Variants in ZBTB25 observed in about 807,000 individuals in gnomAD.
ZBTB25 encodes zinc finger and BTB domain containing 25.
Under a neutral mutation model 34.2 loss-of-function variants are expected in ZBTB25, and 20 were observed. The observed-to-expected ratio is 0.58, with a 90% CI of 0.41 to 0.85. The LOEUF is 0.85. ZBTB25 is among the 40% of genes least tolerant of loss of function. ZBTB25 has a pLI of 0.00. For missense variants in ZBTB25, 437 were observed against 521.8 expected (o/e 0.84, Z 1.58); for synonymous variants, 175 against 186.4 (o/e 0.94, Z 0.50).
intron 2 of ZBTB25, among the ~76,000 whole-genome samples, chr14:64,464,171 A>AACAGGTGTGAGCT (rs1555340465): frequency 2.6e-5 from 4 of 151,276 alleles, no homozygotes; most frequent in Admixed American, 6.6e-5. Context: ...GCTCCTGAGT[A>AACAGGTGTGAGCT]ACTGGGACCA....
At chr14:64,488,289 A>G (rs1386918887) in intron 2 of ZBTB25, among the ~76,000 whole-genome samples, 4 of 152,174 alleles carry the variant, frequency 2.6e-5, no homozygotes, top group Admixed American at 6.5e-5. Flanking sequence ...AAACACAGAC[A>G]TACATTCTGA....
exon 3 of ZBTB25, chr14:64,449,145 T>C: frequency 2.3e-6 from 1 of 434,310 alleles, no homozygotes; most frequent in East Asian, 5.0e-5. Context: ...TCTGGAGTGC[T>C]GGGAATTTTC....
chr14:64,491,388 A>C (rs11623457), intron 1 of ZBTB25, among the ~76,000 whole-genome samples: 34,966 of 152,062 alleles, frequency 0.23, 4,666 homozygotes, highest in Non-Finnish European at 0.31. Flanking sequence ...ATCACTTAAG[A>C]CTGGGAGGTC....
At position 64,486,281 on chromosome 14, in the gene ZBTB25, G is replaced by C. The variant is rs187530680; in HGVS notation, c.*642C>G. ...CGCGCCACTGCGCCCCAGCCTGGGC[G>C]ACACAGAGAGACTCTGTCTCAAAAA... is the stretch of plus-strand genomic sequence containing the variant. On this transcript the variant is annotated 3_prime_UTR_variant, in exon 3 of 3. Coordinates refer to ENST00000608382, the MANE Select transcript of ZBTB25 (RefSeq NM_006977.5). 4.1e-6 allele frequency: 4 copies of C among 979,064 alleles called. No homozygotes were observed. Among genetic ancestry groups the C allele is most frequent in the Non-Finnish European group, 4.9e-6 (4 of 824,574 alleles). 60.6% of individuals were successfully genotyped at this position (979,064 alleles called of 1,614,324 possible).
At chr14:64,468,356 A>G (rs754732295) in intron 2 of ZBTB25, 4 of 1,526,556 alleles carry the variant, frequency 2.6e-6, no homozygotes, top group Admixed American at 4.5e-5. Context: ...TAAGGAAGAG[A>G]GAATACAGTT....
At chr14:64,502,533 G>C (rs933451094) in intron 1 of ZBTB25, 1 of 616,822 alleles carries the variant, frequency 1.6e-6, no homozygotes, top group Non-Finnish European at 2.0e-6. Context: ...GGGGGTGTAG[G>C]CTTTTAGTTC....
At chr14:64,503,538 C>A (rs2079569552) in intron 1 of ZBTB25, 123 bp downstream of exon 1, 1 of 986,038 alleles carries the variant, frequency 1.0e-6, no homozygotes, top group Non-Finnish European at 1.2e-6. Flanking sequence ...CAAAAACACC[C>A]CTCTCCCCAG....
rs1225530309 is a variant in ZBTB25 at position 64,483,607 on chromosome 14, A to G, written c.*3316T>C. 6.6e-6 allele frequency: 1 copy of G among 152,134 alleles called. No individual in the cohort carries two copies. Among genetic ancestry groups the G allele is most frequent in the African/African-American group, 2.4e-5 (1 of 41,398 alleles). 9.4% of individuals were successfully genotyped at this position (152,134 alleles called of 1,614,324 possible). A position where few individuals can be genotyped will look rare whatever the true frequency, so the allele number is the denominator to read the frequency against. On this transcript the variant is annotated 3_prime_UTR_variant, in exon 3 of 3. Transcript: ENST00000608382. ...GGAAGAACTTTTAAAATACAAAGCAAATTTTCTCAGTGAGCAATCATGTCT... is the reference window on the plus strand; with the variant it reads ...GGAAGAACTTTTAAAATACAAAGCAGATTTTCTCAGTGAGCAATCATGTCT...
chr14:64,454,709 C>T, intron 2 of ZBTB25: 1 of 1,610,708 alleles, frequency 6.2e-7, no homozygotes. Flanking sequence ...CCCTCTCTTC[C>T]CTTCTTTCCC....
At chr14:64,500,884 C>T (rs1240036235) in intron 1 of ZBTB25, among the ~76,000 whole-genome samples, 2 of 152,212 alleles carry the variant, frequency 1.3e-5, no homozygotes, top group Non-Finnish European at 2.9e-5. Flanking sequence ...AACCCTGTCT[C>T]TACTAAAAAT....
rs1404297224 is a variant in ZBTB25 at position 64,486,485 on chromosome 14, T to C, written c.*438A>G. 1 of 964,632 alleles carries C rather than the reference T, an allele frequency of 1.0e-6. No individual in the cohort carries two copies. The highest frequency in any genetic ancestry group is 1.2e-6 in the Non-Finnish European group (1 of 810,576). 59.8% of individuals were successfully genotyped at this position (964,632 alleles called of 1,614,324 possible). On this transcript the variant is annotated 3_prime_UTR_variant, in exon 3 of 3. Coordinates refer to ENST00000608382, the MANE Select transcript of ZBTB25 (RefSeq NM_006977.5). ...CATTAAAGTAACTATTAATTTCCTA[T>C]ATGGAAGAAAATATTTAAAAATAAT...
chr14:64,502,621 T>C, intron 1 of ZBTB25: 2 of 985,170 alleles, frequency 2.0e-6, no homozygotes, highest in Non-Finnish European at 2.4e-6. Flanking sequence ...GACTTCTCCA[T>C]AACCTGAATC....
intron 2 of ZBTB25, among the ~76,000 whole-genome samples, chr14:64,457,803 A>G (rs2078499744): frequency 6.6e-6 from 1 of 152,164 alleles, no homozygotes; most frequent in East Asian, 1.9e-4. Flanking sequence ...TTGATTTTTA[A>G]TATGTAACAA....
chr14:64,450,002 G>T lies in ZBTB25; in HGVS notation c.174-364C>A, dbSNP rs1288476120. Among the ~76,000 whole-genome samples, 3 of 152,162 alleles carry T rather than the reference G, an allele frequency of 2.0e-5. No individual in the cohort carries two copies. In the East Asian group the frequency reaches 5.8e-4, roughly 29 times the overall value. On this transcript the variant is annotated intron_variant, in intron 2 of 2. Coordinates refer to the ZBTB25 transcript ENST00000555220. ...AGATGGGGTTTCACCATCTTGGCCAGGCTGGTCTCGAACTCCTGACCTCGT... is the reference window on the plus strand; with the variant it reads ...AGATGGGGTTTCACCATCTTGGCCATGCTGGTCTCGAACTCCTGACCTCGT...
intron 2 of ZBTB25, among the ~76,000 whole-genome samples, chr14:64,464,860 A>AAG (rs2078593584): frequency 1.3e-5 from 2 of 152,224 alleles, no homozygotes; most frequent in Non-Finnish European, 1.5e-5. Flanking sequence ...ATAGAGATGC[A>AAG]GCTGCTCCTG....
At chr14:64,499,952 G>GC (rs1230480689) in intron 1 of ZBTB25, among the ~76,000 whole-genome samples, 2 of 152,232 alleles carry the variant, frequency 1.3e-5, no homozygotes, top group African/African-American at 4.8e-5. Flanking sequence ...GGCAGACATA[G>GC]CCAACCTCCA....
At position 64,469,778 on chromosome 14, in the gene ZBTB25, T is replaced by A. The variant is rs111840566; in HGVS notation, c.174-20140A>T. 2.4e-3 allele frequency: 2,097 copies of A among 869,904 alleles called. 28 individuals carry two copies. In the African/African-American group the frequency reaches 0.031, roughly 13 times the overall value. The allele number at this position is 869,904 out of a possible 1,614,324, so 53.9% of individuals were successfully genotyped here. A position where few individuals can be genotyped will look rare whatever the true frequency, so the allele number is the denominator to read the frequency against. On this transcript the variant is annotated intron_variant, in intron 2 of 2. Coordinates refer to the ZBTB25 transcript ENST00000555220. ...TCAGTAACAAATGAGAGATTTATCATCTCTAGAACTTAAAAGGTACAATTC... is the reference window on the plus strand; with the variant it reads ...TCAGTAACAAATGAGAGATTTATCAACTCTAGAACTTAAAAGGTACAATTC...
chr14:64,501,758 T>C (rs1261337198), intron 1 of ZBTB25, among the ~76,000 whole-genome samples: 1 of 152,212 alleles, frequency 6.6e-6, no homozygotes, highest in Non-Finnish European at 1.5e-5. Context: ...CAGGATATTT[T>C]ACGGCCAAGG....
intron 2 of ZBTB25, among the ~76,000 whole-genome samples, chr14:64,489,889 A>C (rs990540648): frequency 6.6e-6 from 1 of 151,490 alleles, no homozygotes; most frequent in Admixed American, 6.6e-5. Flanking sequence ...CTACACACTG[A>C]GTTTAATTAC....
Sources: gnomAD v4.1 joint callset for allele counts (sites outside exome capture counted in the v4.1 genomes callset) on GRCh38, gnomAD v4.1.1 for gene constraint, MANE v1.5 for transcripts, NCBI Gene and HGNC (gene_info 2026-07-23, HGNC 2026-07-21) for gene names.